SBF1: variants seen among roughly 807,000 people sequenced by gnomAD.
SBF1 encodes the protein myotubularin-related protein 5.
A neutral mutation model predicts 215.8 loss-of-function variants in SBF1; 65 were observed. The observed-to-expected ratio is 0.30, with a 90% CI of 0.25 to 0.37. The LOEUF (loss-of-function observed/expected upper bound fraction) is 0.37, where lower values mean the gene tolerates loss of function less well. SBF1 is among the 10% of genes least tolerant of loss of function. SBF1 has a pLI of 1.00. For synonymous variants in SBF1, 1,410 were observed against 1,122.8 expected, an observed-to-expected ratio of 1.26 and a Z score of -5.11; for missense variants, 2,634 against 2,667.8, an observed-to-expected ratio of 0.99 and a Z score of 0.28.
In SBF1 at chr22:50,457,021, C is replaced by T. The variant is rs748348068; in HGVS notation, c.3904+13G>A. 3 of 1,421,912 alleles carry T rather than the reference C, an allele frequency of 2.1e-6. No individual in the cohort carries two copies. The highest frequency in any genetic ancestry group is 1.5e-5 in the African/African-American group (1 of 66,864). The allele number at this position is 1,421,912 out of a possible 1,614,324, so 88.1% of individuals were successfully genotyped here. A position where few individuals can be genotyped will look rare whatever the true frequency, so the allele number is the denominator to read the frequency against. On this transcript the variant is annotated intron_variant, in intron 29 of 40. Transcript: ENST00000380817. ...GTAAGGGGAGGCGGGCCTGCGCAGG[C>T]TCGGTACGGTACCTCGGGGTGCGGT...
chr22:50,447,680 C>T lies in SBF1; in HGVS notation c.5364-71G>A, dbSNP rs969961910. On this transcript the variant is annotated intron_variant, in intron 38 of 40. Transcript: ENST00000380817. The stretch of plus-strand genomic sequence containing the variant: ...GCCAAGCCCAGGCCCCAGCAGTCGT[C>T]CCCCCCTTGCTGTCCCAGCCCAGGA... 15 of 1,138,194 alleles carry T rather than the reference C, an allele frequency of 1.3e-5. No individual in the cohort carries two copies. The Admixed American group carries it at 1.8e-4, about 14-fold the overall frequency. 70.5% of individuals were successfully genotyped at this position (1,138,194 alleles called of 1,614,324 possible). A position where few individuals can be genotyped will look rare whatever the true frequency, so the allele number is the denominator to read the frequency against.
At chr22:50,457,323 T>C in intron 28 of SBF1, 1 of 444,148 alleles carries the variant, frequency 2.3e-6, no homozygotes, top group Non-Finnish European at 4.0e-6. Flanking sequence ...GAGCACTCCG[T>C]GGCAGCAGAA....
intron 10 of SBF1, 30 bp from the exon 11 acceptor site, chr22:50,465,358 C>A: frequency 6.5e-7 from 1 of 1,531,216 alleles, no homozygotes; most frequent in Non-Finnish European, 8.8e-7. Flanking sequence ...CAGGTGAGAG[C>A]CAGTCCTGCC....
rs938354425 is a variant in SBF1, at chr22:50,465,275, G to A, written c.1143C>T (p.Gly381=). 1.2e-6 allele frequency: 2 copies of A among 1,610,362 alleles called. No homozygotes were observed. The highest frequency in any genetic ancestry group is 2.2e-5 in the South Asian group (2 of 90,518). The change falls in exon 11 of 41, where the codon GGC becomes GGT. Residue 381 remains glycine, a synonymous_variant. Transcript: ENST00000380817. The stretch of plus-strand genomic sequence containing the variant: ...GCACGACGTGCAGGCACCAGCGATA[G>A]CCCTGCAGCAGCTGAGCGAACAGCC... The part of the protein sequence containing the change: ...FLRLFAQLLQ[G]YRWCLHVVRI...
chr22:50,456,452 A>T, intron 30 of SBF1, 40 bp downstream of exon 30: 4 of 1,440,698 alleles, frequency 2.8e-6, no homozygotes, highest in Non-Finnish European at 3.8e-6. Context: ...CCCCCTGCCG[A>T]GCCCCCACCC....
intron 21 of SBF1, 28 bp from the exon 22 acceptor site, chr22:50,461,746 G>A: frequency 6.2e-7 from 1 of 1,610,306 alleles, no homozygotes. Flanking sequence ...CAGGAGCTCA[G>A]GATGCAGCCC....
At chr22:50,467,120 G>A in intron 5 of SBF1, 1 of 597,978 alleles carries the variant, frequency 1.7e-6, no homozygotes, top group Non-Finnish European at 3.0e-6. Flanking sequence ...CACCATCAAA[G>A]GAGTGGACAG....
chr22:50,456,774 G>T, intron 29 of SBF1, 101 bp from the exon 30 acceptor site: 1 of 1,106,740 alleles, frequency 9.0e-7, no homozygotes, highest in Non-Finnish European at 1.3e-6. Flanking sequence ...AGCTCCCAGG[G>T]CAGGGGTGGT....
At chr22:50,469,564 T>C (rs2148610177) in intron 1 of SBF1, among the ~76,000 whole-genome samples, 1 of 152,304 alleles carries the variant, frequency 6.6e-6, no homozygotes, top group South Asian at 2.1e-4. Context: ...TTGTGGAGGA[T>C]GGAGCAGGTG....
intron 36 of SBF1, among the ~76,000 whole-genome samples, chr22:50,450,522 A>G (rs74663020): frequency 6.7e-6 from 1 of 148,662 alleles, no homozygotes; most frequent in East Asian, 1.9e-4. Context: ...CTCTGCCTCA[A>G]AAAAAAAAAA....
chr22:50,460,110 C>T lies in SBF1; in HGVS notation c.3333G>A (p.Lys1111=), dbSNP rs1215423407. The part of the protein sequence containing the change: ...PSTLTPSSAL[K]PSDRMTMSSL... ...TGCTCATGGTCATGCGGTCGGAGGG[C>T]TTCAGGGCTGAGGACGGGGTCAGCG... is the stretch of plus-strand genomic sequence containing the variant. Residue 1111 remains lysine (K), a synonymous_variant, in exon 26 of 41, where the codon AAG becomes AAA. Coordinates refer to ENST00000380817, the MANE Select transcript of SBF1 (RefSeq NM_002972.4). 6.2e-7 allele frequency: 1 copy of T among 1,613,460 alleles called. No individual in the cohort carries two copies. Among genetic ancestry groups the T allele is most frequent in the South Asian group, 1.1e-5 (1 of 91,086 alleles).
chr22:50,473,665 C>T (rs1456701241), intron 1 of SBF1, among the ~76,000 whole-genome samples: 1 of 152,138 alleles, frequency 6.6e-6, no homozygotes. Context: ...AGAGAGAACT[C>T]CAGGTCCTTG....
At position 50,461,990 on chromosome 22, in the gene SBF1, C is replaced by A. The variant is rs1168184444; in HGVS notation, c.2526G>T (p.Gly842=). ...GCCCCTTGAGGTGGTCGCTGGTGAC[C>A]CCACTCTCCGTGCAGACCTTGTCCA... ...RFVDKVCTES[G]VTSDHLKGLH... The change falls in exon 20 of 41, where the codon GGG becomes GGT. Residue 842 remains glycine (G), a synonymous_variant. Transcript: ENST00000380817. The A allele has an allele frequency of 1.2e-6, 2 of 1,614,234 alleles. No individual in the cohort carries two copies. The highest frequency in any genetic ancestry group is 2.2e-5 in the East Asian group (1 of 44,890).
chr22:50,463,055 A>G (rs1023691969), intron 16 of SBF1, 117 bp from the exon 17 acceptor site: 2 of 1,210,762 alleles, frequency 1.7e-6, no homozygotes, highest in Non-Finnish European at 2.4e-6. Context: ...CCTTGGCTCC[A>G]GCTCCCCAAG....
At position 50,464,725 on chromosome 22, in the gene SBF1, G is replaced by T; in HGVS notation, c.1445C>A (p.Pro482Gln). 1 of 1,607,540 alleles carries T rather than the reference G, an allele frequency of 6.2e-7. No individual in the cohort carries two copies. Residue 482 changes from proline (P) to glutamine (Q), a missense_variant, in exon 14 of 41, where the codon CCA (proline) becomes CAA (glutamine). Physicochemically the swap from Pro to Gln is moderately conservative, Grantham distance 76. Coordinates refer to ENST00000380817, the MANE Select transcript of SBF1 (RefSeq NM_002972.4). ...EQLYKNENPY[P>Q]AVAMHKVQRP... The stretch of plus-strand genomic sequence containing the variant: ...CTGTACCTTGTGCATCGCCACGGCT[G>T]GGTACGGGTTCTCCTGTGGGGAGAC...
chr22:50,461,030 A>T lies in SBF1; in HGVS notation c.2967+129T>A, dbSNP rs2067485638. On this transcript the variant is annotated intron_variant, in intron 23 of 40. Coordinates refer to ENST00000380817, the MANE Select transcript of SBF1 (RefSeq NM_002972.4). ...ACTCAAGAGCCACAGTGAGGGCCCC[A>T]GACATGCAAGCGTAACAACAGGGCC... is the stretch of plus-strand genomic sequence containing the variant. 28 of 1,250,768 alleles carry T rather than the reference A, an allele frequency of 2.2e-5. No individual in the cohort carries two copies. In the South Asian group the frequency reaches 4.1e-4, roughly 18 times the overall value. The allele number at this position is 1,250,768 out of a possible 1,614,324, so 77.5% of individuals were successfully genotyped here. A position where few individuals can be genotyped will look rare whatever the true frequency, so the allele number is the denominator to read the frequency against.
chr22:50,456,627 G>A lies in SBF1; in HGVS notation c.3951C>T (p.Gly1317=). Residue 1317 remains glycine (G), a synonymous_variant, in exon 30 of 41, where the codon GGC becomes GGT. Transcript: ENST00000380817. ...VRTSGRSSGL[G]TDVGSRLAGR... ...CAGCTAGCCGGGAGCCCACATCGGT[G>A]CCAAGGCCACTGCTGCGTCCACTGG... 2 of 1,514,370 alleles carry A rather than the reference G, an allele frequency of 1.3e-6. No individual in the cohort carries two copies. The highest frequency in any genetic ancestry group is 1.8e-6 in the Non-Finnish European group (2 of 1,133,090). 93.8% of individuals were successfully genotyped at this position (1,514,370 alleles called of 1,614,324 possible).
At chr22:50,453,274 G>A (rs531512451) in intron 36 of SBF1, among the ~76,000 whole-genome samples, 12 of 152,298 alleles carry the variant, frequency 7.9e-5, no homozygotes, top group Middle Eastern at 3.4e-3. Flanking sequence ...ATGAGACCGC[G>A]TCAACTTTAA....
Position 50,460,266 on chromosome 22 carries a change from C to T in SBF1, c.3283+6G>A, listed in dbSNP as rs1298903371. 1 of 1,602,680 alleles carries T rather than the reference C, an allele frequency of 6.2e-7. No individual in the cohort carries two copies. The highest frequency in any genetic ancestry group is 8.5e-7 in the Non-Finnish European group (1 of 1,172,480). ...ACCACCCAGGACTCCACCCCCACCCCTCCACCTGAGATCTCGTCCTCCTGG... is the reference window on the plus strand; with the variant it reads ...ACCACCCAGGACTCCACCCCCACCCTTCCACCTGAGATCTCGTCCTCCTGG... On this transcript the variant is annotated splice_donor_region_variant and intron_variant, in intron 25 of 40. Transcript: ENST00000380817.
Sources: allele counts gnomAD v4.1 joint callset (sites outside exome capture counted in the v4.1 genomes callset), GRCh38; gene constraint gnomAD v4.1.1; transcripts MANE v1.5; gene names NCBI Gene and HGNC (gene_info 2026-07-23, HGNC 2026-07-21).